SLC25A48: variants seen among roughly 807,000 people sequenced by gnomAD.
The protein encoded by SLC25A48 is solute carrier family 25 member 48, also known as CTC-321K16.1.
SLC25A48 carries 29 observed loss-of-function variants against 32.2 expected under a neutral mutation model. The observed-to-expected ratio is 0.90, with a 90% CI of 0.67 to 1.23. The LOEUF (loss-of-function observed/expected upper bound fraction) is 1.23. Among genes scored for constraint, SLC25A48 ranks in the 50% most tolerant of loss-of-function variants. The pLI is 0.00. For missense variants in SLC25A48, 399 were observed against 422.7 expected, an observed-to-expected ratio of 0.94 and a Z score of 0.49; for synonymous variants, 164 against 172.3, an observed-to-expected ratio of 0.95 and a Z score of 0.38.
chr5:135,854,204 T>C (rs1760128609), intron 4 of SLC25A48, among the ~76,000 whole-genome samples: 1 of 152,194 alleles, frequency 6.6e-6, no homozygotes, highest in Admixed American at 6.5e-5. Flanking sequence ...GCCCTAGGAT[T>C]TTCAGAATGG....
At chr5:135,880,340 A>G (rs1762375746) in intron 7 of SLC25A48, among the ~76,000 whole-genome samples, 1 of 152,006 alleles carries the variant, frequency 6.6e-6, no homozygotes, top group Admixed American at 6.5e-5. Context: ...CTGTTTCCAG[A>G]CAGCTCGCCT....
At chr5:135,683,994 G>A (rs1753960783) in intron 3 of SLC25A48, among the ~76,000 whole-genome samples, 1 of 152,176 alleles carries the variant, frequency 6.6e-6, no homozygotes, top group South Asian at 2.1e-4. Flanking sequence ...ACTTCATGCT[G>A]AATGCTGGTG....
chr5:135,625,536 A>G (rs1752423238), intron 1 of SLC25A48, among the ~76,000 whole-genome samples: 1 of 152,164 alleles, frequency 6.6e-6, no homozygotes, highest in Non-Finnish European at 1.5e-5. Flanking sequence ...CCCTCTGGGT[A>G]GAAGAGGAGG....
chr5:135,869,553 A>G (rs1761480915), intron 4 of SLC25A48, among the ~76,000 whole-genome samples: 1 of 152,190 alleles, frequency 6.6e-6, no homozygotes, highest in Non-Finnish European at 1.5e-5. Flanking sequence ...GCCACTATTT[A>G]CCCATAGTTG....
chr5:135,638,476 A>G (rs1043889112), intron 3 of SLC25A48, among the ~76,000 whole-genome samples: 1 of 152,202 alleles, frequency 6.6e-6, no homozygotes, highest in East Asian at 1.9e-4. Flanking sequence ...CAGGTCCAGA[A>G]CACAGTTTGA....
At chr5:135,745,927 G>A (rs1755627867) in intron 3 of SLC25A48, among the ~76,000 whole-genome samples, 1 of 152,164 alleles carries the variant, frequency 6.6e-6, no homozygotes, top group African/African-American at 2.4e-5. Flanking sequence ...TTTCTCTGTG[G>A]TCAGTTATTG....
intron 2 of SLC25A48, among the ~76,000 whole-genome samples, chr5:135,847,702 T>C (rs986135751): frequency 3.9e-5 from 6 of 152,130 alleles, no homozygotes; most frequent in African/African-American, 1.4e-4. Flanking sequence ...GCCATGATGC[T>C]GGGGCTCCGG....
At chr5:135,815,993 A>C (rs1389238598) in intron 4 of SLC25A48, among the ~76,000 whole-genome samples, 2 of 152,248 alleles carry the variant, frequency 1.3e-5, no homozygotes, top group Non-Finnish European at 2.9e-5. Context: ...ATTGACTCAC[A>C]GTTCCATATG....
chr5:135,652,090 A>G (rs116470701), intron 3 of SLC25A48, among the ~76,000 whole-genome samples: 1,596 of 152,328 alleles, frequency 0.01, 31 homozygotes, highest in African/African-American at 0.037. Flanking sequence ...ACCATGAACA[A>G]AGAAGCCAAG....
chr5:135,674,594 T>A (rs938802178), intron 3 of SLC25A48, among the ~76,000 whole-genome samples: 23 of 152,014 alleles, frequency 1.5e-4, no homozygotes, highest in African/African-American at 5.6e-4. Flanking sequence ...CTTTTGTCTT[T>A]CTGTGCCTTT....
intron 3 of SLC25A48, among the ~76,000 whole-genome samples, chr5:135,636,640 C>T (rs1332971371): frequency 6.6e-6 from 1 of 152,176 alleles, no homozygotes; most frequent in African/African-American, 2.4e-5. Flanking sequence ...GGGGATTTAA[C>T]AGCACCATCA....
In SLC25A48 at chr5:135,718,098, C is replaced by T. The variant is rs560480713; in HGVS notation, c.-521+83142C>T. ...TCTCGGTTCACTGCAACCTCTGCCT[C>T]CTGGGTTCAAGCGACTCTCCTTCCT... On this transcript the variant is annotated intron_variant, in intron 3 of 10. Coordinates refer to the SLC25A48 transcript ENST00000646290. Among the ~76,000 whole-genome samples, 8 of 152,162 alleles carry T rather than the reference C, an allele frequency of 5.3e-5. No homozygotes were observed. The East Asian group carries it at 1.4e-3, about 26-fold the overall frequency.
intron 3 of SLC25A48, among the ~76,000 whole-genome samples, chr5:135,707,833 A>G (rs150215124): frequency 3.3e-5 from 5 of 152,310 alleles, no homozygotes; most frequent in South Asian, 2.1e-4. Flanking sequence ...GAGGGCATGT[A>G]GCCAGGGAGC....
chr5:135,791,793 C>T (rs1485920329), intron 3 of SLC25A48, among the ~76,000 whole-genome samples: 1 of 151,220 alleles, frequency 6.6e-6, no homozygotes, highest in Non-Finnish European at 1.5e-5. Context: ...TTTGTAATAC[C>T]CTAGGATGAT....
At chr5:135,718,583 C>T (rs75018443) in intron 3 of SLC25A48, among the ~76,000 whole-genome samples, 4,957 of 152,160 alleles carry the variant, frequency 0.033, 276 homozygotes, top group African/African-American at 0.11. Context: ...TGAATATAAA[C>T]GTGTTTTTTA....
At chr5:135,806,144 C>T (rs1238304910) in intron 3 of SLC25A48, among the ~76,000 whole-genome samples, 1 of 151,388 alleles carries the variant, frequency 6.6e-6, no homozygotes, top group Non-Finnish European at 1.5e-5. Context: ...AGATATCACT[C>T]CTAGTATTTC....
intron 7 of SLC25A48, among the ~76,000 whole-genome samples, chr5:135,887,813 T>C (rs1296034345): frequency 6.6e-6 from 1 of 152,148 alleles, no homozygotes; most frequent in Non-Finnish European, 1.5e-5. Flanking sequence ...CCTGTGCTCT[T>C]GCAGGCAGCA....
At chr5:135,839,242 G>T (rs1432128425) in intron 1 of SLC25A48, among the ~76,000 whole-genome samples, 1 of 152,166 alleles carries the variant, frequency 6.6e-6, no homozygotes, top group African/African-American at 2.4e-5. Flanking sequence ...GAGGAAGGCT[G>T]TACTCTGCAA....
At chr5:135,839,455 C>T (rs749040255) in intron 1 of SLC25A48, among the ~76,000 whole-genome samples, 20 of 152,280 alleles carry the variant, frequency 1.3e-4, no homozygotes, top group South Asian at 8.3e-4. Context: ...ACCCAATGCT[C>T]GTACCCCCAT....
Sources: gnomAD v4.1 joint callset for allele counts (sites outside exome capture counted in the v4.1 genomes callset) on GRCh38, gnomAD v4.1.1 for gene constraint, MANE v1.5 for transcripts, NCBI Gene and HGNC (gene_info 2026-07-23, HGNC 2026-07-21) for gene names.